The following SAMD12 variants were observed in gnomAD, a reference collection of about 807,000 sequenced individuals.
The protein encoded by SAMD12 is sterile alpha motif domain-containing protein 12.
Under a neutral mutation model 15.0 loss-of-function variants are expected in SAMD12, and 9 were observed. The observed-to-expected ratio is 0.60, with a 90% confidence interval of 0.36 to 1.05. The LOEUF (loss-of-function observed/expected upper bound fraction) is 1.05. SAMD12 is among the 50% of genes least tolerant of loss of function. The pLI is 0.01. For missense variants in SAMD12, 230 were observed against 234.2 expected (o/e 0.98, Z 0.12); for synonymous variants, 86 against 90.1 (o/e 0.96, Z 0.25).
chr8:118,616,952 G>A (rs1441491672), intron 1 of SAMD12, among the ~76,000 whole-genome samples: 1 of 152,190 alleles, frequency 6.6e-6, no homozygotes, highest in Non-Finnish European at 1.5e-5. Context: ...ATGATCTGAG[G>A]TGGAACAGTT....
intron 3 of SAMD12, among the ~76,000 whole-genome samples, chr8:118,405,797 C>A: frequency 6.6e-6 from 1 of 152,264 alleles, no homozygotes; most frequent in South Asian, 2.1e-4. Flanking sequence ...GTCCTTGCCA[C>A]TAATGGTGTC....
chr8:118,620,972 T>C (rs1828386686), intron 1 of SAMD12: 1 of 152,202 alleles, frequency 6.6e-6, no homozygotes, highest in African/African-American at 2.4e-5. Flanking sequence ...CAGTTTTTTT[T>C]TCTTCTTCAG....
At chr8:118,407,045 T>C (rs970166291) in intron 3 of SAMD12, among the ~76,000 whole-genome samples, 1 of 151,872 alleles carries the variant, frequency 6.6e-6, no homozygotes, top group Non-Finnish European at 1.5e-5. Context: ...AAAGAACTTA[T>C]CCAAGTAACA....
chr8:118,258,274 TTCTC>T lies in SAMD12; in HGVS notation c.434-60546_434-60543del, dbSNP rs534735329. Among the ~76,000 whole-genome samples the T allele has an allele frequency of 2.3e-3, 354 of 152,284 alleles. 1 individual carries two copies. Among genetic ancestry groups the T allele is most frequent in the Non-Finnish European group, 3.3e-3 (222 of 68,004 alleles). ...TTCCCTCCCTCTGAGACTATTATTGTTCTCTCTCTATCTGTAACATGAAAGATAG... is the reference window on the plus strand; with the variant it reads ...TTCCCTCCCTCTGAGACTATTATTGTTCTCTATCTGTAACATGAAAGATAG... On this transcript the variant is annotated intron_variant, in intron 4 of 4. Transcript: ENST00000409003.
intron 1 of SAMD12, among the ~76,000 whole-genome samples, chr8:118,591,233 C>CA (rs35458170): frequency 0.87 from 132,811 of 152,186 alleles, 58,002 homozygotes; most frequent in African/African-American, 0.9. Flanking sequence ...TTTTATTTTT[C>CA]AAAGCGTTTA....
At chr8:118,482,093 T>C (rs558846381) in intron 2 of SAMD12, among the ~76,000 whole-genome samples, 1 of 152,360 alleles carries the variant, frequency 6.6e-6, no homozygotes, top group East Asian at 1.9e-4. Context: ...AAATGCCATC[T>C]GTTAAATGAC....
At chr8:118,540,115 C>G (rs1825948469) in intron 2 of SAMD12, among the ~76,000 whole-genome samples, 1 of 152,152 alleles carries the variant, frequency 6.6e-6, no homozygotes, top group Non-Finnish European at 1.5e-5. Context: ...ACACATTAAT[C>G]CTCTATCTAT....
intron 1 of SAMD12, among the ~76,000 whole-genome samples, chr8:118,608,088 C>T (rs1586853654): frequency 1.3e-5 from 2 of 152,084 alleles, no homozygotes; most frequent in Non-Finnish European, 2.9e-5. Flanking sequence ...AACTATTTAT[C>T]CCTTCTTTCC....
intron 2 of SAMD12, among the ~76,000 whole-genome samples, chr8:118,499,923 C>G (rs62531882): frequency 6.6e-6 from 1 of 152,016 alleles, no homozygotes; most frequent in Non-Finnish European, 1.5e-5. Flanking sequence ...TCCTCTATGC[C>G]GGCACAACAA....
the SAMD12 span, among the ~76,000 whole-genome samples, chr8:118,183,536 T>C: frequency 1.3e-5 from 2 of 150,012 alleles, no homozygotes; most frequent in Non-Finnish European, 2.9e-5. Flanking sequence ...TACATGGATA[T>C]ACAGTTTAAT....
intron 2 of SAMD12, among the ~76,000 whole-genome samples, chr8:118,530,883 C>T (rs1454358949): frequency 6.6e-6 from 1 of 152,104 alleles, no homozygotes; most frequent in African/African-American, 2.4e-5. Flanking sequence ...ACTCTGTAGC[C>T]CAGGCTGGAG....
intron 2 of SAMD12, among the ~76,000 whole-genome samples, chr8:118,553,748 C>T (rs1269072459): frequency 2.0e-5 from 3 of 151,334 alleles, no homozygotes. Context: ...AACAGGCAAC[C>T]CACAAAATGG....
intron 2 of SAMD12, among the ~76,000 whole-genome samples, chr8:118,564,624 C>T (rs895294273): frequency 9.2e-5 from 14 of 152,188 alleles, no homozygotes; most frequent in African/African-American, 3.4e-4. Context: ...TTGGGGTTTG[C>T]ACTTGATCAG....
intron 2 of SAMD12, among the ~76,000 whole-genome samples, chr8:118,558,025 C>T (rs1826591907): frequency 6.6e-6 from 1 of 152,156 alleles, no homozygotes; most frequent in South Asian, 2.1e-4. Flanking sequence ...GTCTTCTACT[C>T]ATGAAAATTT....
intron 2 of SAMD12, among the ~76,000 whole-genome samples, chr8:118,464,642 T>C (rs1278851363): frequency 1.3e-5 from 2 of 152,210 alleles, no homozygotes; most frequent in African/African-American, 2.4e-5. Flanking sequence ...AAAACTCTAT[T>C]TGTTATTATT....
At chr8:118,216,853 G>A (rs10955867) in intron 4 of SAMD12, among the ~76,000 whole-genome samples, 75,740 of 151,808 alleles carry the variant, frequency 0.5, 20,673 homozygotes, top group Non-Finnish European at 0.62. Context: ...AATATTAGCT[G>A]CGTATGAATG....
intron 3 of SAMD12, among the ~76,000 whole-genome samples, chr8:118,424,378 T>C (rs1822151716): frequency 6.6e-6 from 1 of 152,170 alleles, no homozygotes; most frequent in Admixed American, 6.5e-5. Flanking sequence ...ATACGTATTA[T>C]CATAATTTAA....
chr8:118,170,989 A>G, the SAMD12 span, among the ~76,000 whole-genome samples: 3 of 152,214 alleles, frequency 2.0e-5, no homozygotes, highest in African/African-American at 7.2e-5. Context: ...AAAGACAAAT[A>G]ACCAAATTTA....
chr8:118,435,799 T>C (rs182366355), intron 3 of SAMD12, among the ~76,000 whole-genome samples: 1 of 152,320 alleles, frequency 6.6e-6, no homozygotes, highest in African/African-American at 2.4e-5. Flanking sequence ...AATATGGAAG[T>C]GAACGCATCT....
Sources: gnomAD v4.1 joint callset for allele counts (sites outside exome capture counted in the v4.1 genomes callset) on GRCh38, gnomAD v4.1.1 for gene constraint, MANE v1.5 for transcripts, NCBI Gene and HGNC (gene_info 2026-07-23, HGNC 2026-07-21) for gene names.